The following DPYD variants were observed in gnomAD, a reference collection of about 807,000 sequenced individuals.
DPYD encodes the protein dihydropyrimidine dehydrogenase, also known as dihydropyrimidine dehydrogenase [NADP(+)].
Under a neutral mutation model 116.2 loss-of-function variants are expected in DPYD, and 109 were observed. The ratio of observed to expected loss-of-function variants is 0.94; its 90% CI spans 0.80 to 1.10. DPYD has a LOEUF of 1.10. Among genes scored for constraint, DPYD ranks in the 50% least tolerant of loss-of-function variants. DPYD has a pLI of 0.00. For synonymous variants in DPYD, 440 were observed against 432.0 expected (o/e 1.02, Z -0.23); for missense variants, 1,302 against 1,254.5 (o/e 1.04, Z -0.57).
intron 5 of DPYD, among the ~76,000 whole-genome samples, chr1:97,706,529 C>G (rs1265650200): frequency 6.6e-6 from 1 of 152,094 alleles, no homozygotes; most frequent in Non-Finnish European, 1.5e-5. Context: ...GCATCCCTCT[C>G]TCACCTTCTC....
chr1:97,458,644 A>G (rs1393983419), intron 13 of DPYD, among the ~76,000 whole-genome samples: 1 of 152,178 alleles, frequency 6.6e-6, no homozygotes. Context: ...ACATAAATAT[A>G]GGACCAAGAA....
intron 5 of DPYD, chr1:97,719,895 G>A: frequency 1.0e-6 from 1 of 984,972 alleles, no homozygotes; most frequent in Non-Finnish European, 1.2e-6. Flanking sequence ...ATCTACTGCA[G>A]TCCTAATCTA....
intron 3 of DPYD, among the ~76,000 whole-genome samples, chr1:97,770,745 T>C (rs1344720661): frequency 1.3e-5 from 2 of 152,196 alleles, no homozygotes; most frequent in Non-Finnish European, 2.9e-5. Context: ...ATTGTAACAA[T>C]TTATTTGCTG....
chr1:97,693,552 G>T (rs896369387), intron 6 of DPYD, among the ~76,000 whole-genome samples: 1 of 152,026 alleles, frequency 6.6e-6, no homozygotes, highest in African/African-American at 2.4e-5. Flanking sequence ...TAAGTAGAAA[G>T]ATTCTTAACA....
At chr1:97,462,693 T>C (rs943155051) in intron 13 of DPYD, among the ~76,000 whole-genome samples, 10 of 152,190 alleles carry the variant, frequency 6.6e-5, no homozygotes, top group African/African-American at 1.7e-4. Context: ...CTGAAAGGAA[T>C]TGAAGTATTT....
intron 20 of DPYD, among the ~76,000 whole-genome samples, chr1:97,151,312 A>T (rs766816782): frequency 6.6e-6 from 1 of 152,206 alleles, no homozygotes; most frequent in Non-Finnish European, 1.5e-5. Flanking sequence ...TGTGAAGTCA[A>T]CTGGGAAGAC....
intron 18 of DPYD, among the ~76,000 whole-genome samples, chr1:97,254,301 T>C (rs1254328176): frequency 2.0e-5 from 3 of 152,116 alleles, no homozygotes; most frequent in African/African-American, 7.2e-5. Context: ...TTTGTATGAA[T>C]GCTCAAAAAT....
chr1:97,082,243 T>G (rs1306930492), intron 22 of DPYD, 87 bp downstream of exon 22: 9 of 1,562,256 alleles, frequency 5.8e-6, no homozygotes, highest in Admixed American at 3.3e-5. Flanking sequence ...TGGTTTAAAT[T>G]TCACACATAG....
intron 16 of DPYD, among the ~76,000 whole-genome samples, chr1:97,341,129 C>T (rs1242458116): frequency 6.6e-6 from 1 of 152,094 alleles, no homozygotes; most frequent in Admixed American, 6.6e-5. Context: ...GGAGTACTGC[C>T]ATTCCTATGG....
chr1:97,172,251 A>C (rs906057109), intron 20 of DPYD, among the ~76,000 whole-genome samples: 1 of 152,176 alleles, frequency 6.6e-6, no homozygotes, highest in Non-Finnish European at 1.5e-5. Flanking sequence ...ACATACATTA[A>C]TGAGTAAAAA....
intron 20 of DPYD, among the ~76,000 whole-genome samples, chr1:97,133,056 A>C (rs1191438184): frequency 6.6e-6 from 1 of 152,066 alleles, no homozygotes; most frequent in Non-Finnish European, 1.5e-5. Flanking sequence ...AAAACTAGTT[A>C]GCTTGAACAT....
chr1:97,340,398 C>T (rs909964727), intron 16 of DPYD, among the ~76,000 whole-genome samples: 2 of 152,030 alleles, frequency 1.3e-5, no homozygotes, highest in South Asian at 2.1e-4. Flanking sequence ...AAAAACACAA[C>T]GATGGCCAGG....
intron 4 of DPYD, among the ~76,000 whole-genome samples, chr1:97,722,507 T>C (rs1662978580): frequency 1.3e-5 from 2 of 151,582 alleles, no homozygotes; most frequent in African/African-American, 4.8e-5. Context: ...GGAAACTCTC[T>C]GTACTACTGT....
intron 2 of DPYD, among the ~76,000 whole-genome samples, chr1:97,859,987 A>G (rs1193920598): frequency 6.6e-6 from 1 of 151,916 alleles, no homozygotes; most frequent in African/African-American, 2.4e-5. Context: ...ATATTTTTCC[A>G]TATTTTTCTC....
intron 20 of DPYD, among the ~76,000 whole-genome samples, chr1:97,107,589 G>C (rs528716620): frequency 6.6e-6 from 1 of 152,180 alleles, no homozygotes; most frequent in South Asian, 2.1e-4. Flanking sequence ...CTATATACCA[G>C]ACACTTTGCA....
intron 12 of DPYD, chr1:97,547,035 AC>A: frequency 7.6e-7 from 1 of 1,311,386 alleles, no homozygotes; most frequent in South Asian, 1.2e-5. Flanking sequence ...TTTATCATAA[AC>A]CAGAAACAGT....
intron 3 of DPYD, among the ~76,000 whole-genome samples, chr1:97,798,520 GCAATATTTGTTAAATATT>G (rs1667694193): frequency 6.6e-6 from 1 of 151,700 alleles, no homozygotes; most frequent in Admixed American, 6.6e-5. Context: ...GTATAGATTT[GCAATATTTGTTAAATATT>G]CAATATTTGT....
At chr1:97,686,593 C>T (rs568991245) in intron 7 of DPYD, among the ~76,000 whole-genome samples, 15 of 136,070 alleles carry the variant, frequency 1.1e-4, no homozygotes, top group Admixed American at 5.4e-4. Context: ...GCCGAGATCG[C>T]GCCACTGCAC....
At position 97,515,887 on chromosome 1, in the gene DPYD, G is replaced by C. The variant is rs1557766158; in HGVS notation, c.1579C>G (p.Pro527Ala). Residue 527 changes from proline to alanine, a missense_variant, in exon 13 of 23, where the codon CCT becomes GCT. Pro to Ala is a conservative substitution (Grantham distance 27). Coordinates refer to ENST00000370192, the MANE Select transcript of DPYD (RefSeq NM_000110.4). ...AKPELPLFYT[P>A]IDLVDISVEM... ...ACACTAATGTCCACCAGATCAATAG[G>C]AGTGTAAAAGAGGGGTAGTTCAGGC... The C allele has an allele frequency of 6.2e-7, 1 of 1,612,836 alleles. No homozygotes were observed. Among genetic ancestry groups the C allele is most frequent in the Non-Finnish European group, 8.5e-7 (1 of 1,179,204 alleles).
Sources: allele counts gnomAD v4.1 joint callset (sites outside exome capture counted in the v4.1 genomes callset), GRCh38; gene constraint gnomAD v4.1.1; transcripts MANE v1.5; gene names NCBI Gene and HGNC (gene_info 2026-07-23, HGNC 2026-07-21).